Variants in FAM193A observed in about 807,000 individuals in gnomAD.
The protein encoded by FAM193A is protein FAM193A.
A neutral mutation model predicts 126.5 loss-of-function variants in FAM193A; 22 were observed. That is an observed-to-expected ratio of 0.17 (90% CI 0.12 to 0.25). The LOEUF is 0.25. Among genes scored for constraint, FAM193A ranks in the 10% least tolerant of loss-of-function variants. The pLI, the probability that FAM193A is intolerant of heterozygous loss-of-function variation, is 1.00. For synonymous variants in FAM193A, 761 were observed against 646.8 expected (o/e 1.18, Z -2.68); for missense variants, 1,675 against 1,672.8 (o/e 1.00, Z -0.02).
At chr4:2,686,510 G>C (rs1052556887) in intron 13 of FAM193A, among the ~76,000 whole-genome samples, 7 of 152,216 alleles carry the variant, frequency 4.6e-5, no homozygotes, top group Non-Finnish European at 1.5e-5. Context: ...AGGCAGAAAA[G>C]TAACACCGAA....
chr4:2,612,356 C>T (rs900769307), intron 2 of FAM193A, among the ~76,000 whole-genome samples: 2 of 151,564 alleles, frequency 1.3e-5, no homozygotes, highest in African/African-American at 2.4e-5. Context: ...AAAAATTAGC[C>T]GAGACGGTGG....
chr4:2,607,282 A>C (rs1741602948), intron 2 of FAM193A, among the ~76,000 whole-genome samples: 2 of 152,218 alleles, frequency 1.3e-5, no homozygotes, highest in African/African-American at 4.8e-5. Flanking sequence ...AGTGTGTGGC[A>C]GTGAAGAATG....
intron 20 of FAM193A, among the ~76,000 whole-genome samples, chr4:2,717,397 A>G (rs886717186): frequency 6.6e-6 from 1 of 152,082 alleles, no homozygotes; most frequent in Non-Finnish European, 1.5e-5. Flanking sequence ...GGAGTTCGAG[A>G]CGAGCCTGGC....
intron 1 of FAM193A, among the ~76,000 whole-genome samples, chr4:2,595,118 A>G (rs1577053138): frequency 6.6e-6 from 1 of 151,748 alleles, no homozygotes; most frequent in East Asian, 1.9e-4. Context: ...GCACGATCAC[A>G]GCTCACTACA....
At position 2,690,844 on chromosome 4, in the gene FAM193A, T is replaced by C. The variant is rs1429263025; in HGVS notation, c.2677T>C (p.Phe893Leu). Residue 893 changes from phenylalanine (F) to leucine (L), a missense_variant, in exon 15 of 21, where the codon TTC becomes CTC. By Grantham distance (22) the Phe-to-Leu change is conservative. Around this residue, in one of 4 missense-constraint regions of FAM193A, gnomAD observed 1,186 missense variants for 1,109.2 expected, o/e 1.07. Transcript: ENST00000637812. The part of the protein sequence containing the change: ...KKCLYNFQDA[F>L]MEANKVVMAT... The stretch of plus-strand genomic sequence containing the variant: ...ATGTTTATACAATTTCCAAGATGCT[T>C]TCATGGAAGCAAATAAAGTTGTCAT... 1.9e-6 allele frequency: 3 copies of C among 1,614,050 alleles called. No homozygotes were observed. Among genetic ancestry groups the C allele is most frequent in the South Asian group, 2.2e-5 (2 of 91,084 alleles).
intron 4 of FAM193A, among the ~76,000 whole-genome samples, chr4:2,626,948 C>T (rs1743025614): frequency 6.6e-6 from 1 of 151,956 alleles, no homozygotes; most frequent in African/African-American, 2.4e-5. Flanking sequence ...CGAGTTAGCC[C>T]ATTTATGAAG....
intron 19 of FAM193A, 101 bp downstream of exon 19, chr4:2,700,645 T>C: frequency 3.5e-6 from 5 of 1,412,706 alleles, no homozygotes; most frequent in Non-Finnish European, 4.8e-6. Flanking sequence ...GCTCTCGCCA[T>C]GTGGCCTCCC....
chr4:2,598,424 T>A (rs1740995745), intron 2 of FAM193A, among the ~76,000 whole-genome samples: 1 of 152,224 alleles, frequency 6.6e-6, no homozygotes, highest in African/African-American at 2.4e-5. Context: ...TGAACATTAT[T>A]TTTCTTCTGT....
chr4:2,590,876 A>T (rs529894954), intron 1 of FAM193A, among the ~76,000 whole-genome samples: 2 of 151,754 alleles, frequency 1.3e-5, no homozygotes, highest in Admixed American at 1.3e-4. Context: ...AAATACAAAA[A>T]ATTAACCAGG....
chr4:2,696,718 C>T, intron 18 of FAM193A, 125 bp downstream of exon 18: 1 of 677,374 alleles, frequency 1.5e-6, no homozygotes, highest in East Asian at 2.7e-5. Context: ...GTTCACTTGC[C>T]CACAACTTTG....
intron 1 of FAM193A, among the ~76,000 whole-genome samples, chr4:2,579,721 G>A (rs1739811929): frequency 7.1e-6 from 1 of 140,784 alleles, no homozygotes; most frequent in Non-Finnish European, 1.6e-5. Flanking sequence ...AAAAAAAACA[G>A]TGAAAACATT....
intron 13 of FAM193A, among the ~76,000 whole-genome samples, chr4:2,679,885 A>G (rs1329008396): frequency 6.7e-6 from 1 of 149,330 alleles, no homozygotes; most frequent in East Asian, 2.0e-4. Flanking sequence ...TTTGAGACGG[A>G]GTCTTGCTCT....
chr4:2,693,696 C>T lies in FAM193A; in HGVS notation c.2914C>T (p.Leu972=). ...CCTCCCAGCGCTCTCGCCTGCTGCG[C>T]TGTCACCTGCTGCGCTCTCACCTGC... ...APLPALSPAA[L]SPAALSPAST... The change falls in exon 16 of 21, where the codon CTG becomes TTG. Residue 972 remains leucine, a synonymous_variant. Transcript: ENST00000637812. 1.2e-6 allele frequency: 2 copies of T among 1,614,222 alleles called. No individual in the cohort carries two copies. The highest frequency in any genetic ancestry group is 1.7e-6 in the Non-Finnish European group (2 of 1,180,044).
chr4:2,708,324 C>T, intron 19 of FAM193A: 1 of 280,620 alleles, frequency 3.6e-6, no homozygotes, highest in South Asian at 2.7e-5. Context: ...AGAGTTTCAC[C>T]ATGTTGGTCA....
intron 18 of FAM193A, 35 bp downstream of exon 18, chr4:2,696,628 G>C: frequency 6.4e-7 from 1 of 1,553,604 alleles, no homozygotes; most frequent in Non-Finnish European, 8.9e-7. Flanking sequence ...GAGGCGCCAG[G>C]TCTGAGGGCA....
chr4:2,688,538 T>C (rs1716004771), intron 13 of FAM193A, among the ~76,000 whole-genome samples: 1 of 152,104 alleles, frequency 6.6e-6, no homozygotes, highest in East Asian at 1.9e-4. Flanking sequence ...GGCCTGTGTG[T>C]CCAGGGCTTT....
At chr4:2,545,896 T>C (rs547228918) in intron 1 of FAM193A, among the ~76,000 whole-genome samples, 1 of 152,260 alleles carries the variant, frequency 6.6e-6, no homozygotes, top group African/African-American at 2.4e-5. Flanking sequence ...ACGCCTGTTA[T>C]CCCAGCACTT....
chr4:2,732,079 A>G lies in FAM193A; in HGVS notation c.*211A>G, dbSNP rs1721464476. Reference sequence around the variant, plus strand: ...CTGTGCGTGAGACTCCTTCGATTGTAGCTCTGTGCTGTCGGATTGGAACAG... The same window carrying G: ...CTGTGCGTGAGACTCCTTCGATTGTGGCTCTGTGCTGTCGGATTGGAACAG... On this transcript the variant is annotated 3_prime_UTR_variant, in exon 21 of 21. Transcript: ENST00000637812. 1 of 581,934 alleles carries G rather than the reference A, an allele frequency of 1.7e-6. No homozygotes were observed. Among genetic ancestry groups the G allele is most frequent in the African/African-American group, 1.9e-5 (1 of 53,608 alleles). 36.0% of individuals were successfully genotyped at this position (581,934 alleles called of 1,614,324 possible).
intron 12 of FAM193A, among the ~76,000 whole-genome samples, chr4:2,665,719 G>T (rs1430137004): frequency 6.6e-6 from 1 of 152,192 alleles, no homozygotes; most frequent in African/African-American, 2.4e-5. Flanking sequence ...TAGAGAGAGG[G>T]TCTCACTATG....
Sources: allele counts gnomAD v4.1 joint callset (sites outside exome capture counted in the v4.1 genomes callset), GRCh38; gene constraint gnomAD v4.1.1; regional missense constraint gnomAD v4.1.1; transcripts MANE v1.5; gene names NCBI Gene and HGNC (gene_info 2026-07-23, HGNC 2026-07-21).